AUTS2: variants seen among roughly 807,000 people sequenced by gnomAD.
AUTS2 encodes autism susceptibility gene 2 protein.
AUTS2 carries 17 observed loss-of-function variants against 112.4 expected under a neutral mutation model. That is an observed-to-expected ratio of 0.15 (90% CI 0.10 to 0.23). The LOEUF (loss-of-function observed/expected upper bound fraction) is 0.23. AUTS2 is among the 10% of genes least tolerant of loss of function. The pLI is 1.00. For synonymous variants in AUTS2, 751 were observed against 702.7 expected, an observed-to-expected ratio of 1.07 and a Z score of -1.09; for missense variants, 1,510 against 1,701.6, an observed-to-expected ratio of 0.89 and a Z score of 1.98.
At chr7:69,601,885 T>C (rs1341070952) in intron 1 of AUTS2, among the ~76,000 whole-genome samples, 1 of 151,950 alleles carries the variant, frequency 6.6e-6, no homozygotes, top group Non-Finnish European at 1.5e-5. Flanking sequence ...TCTGTGGTTG[T>C]TTTGGAAAGT....
chr7:70,500,391 G>A (rs986391983), intron 5 of AUTS2, among the ~76,000 whole-genome samples: 2 of 152,116 alleles, frequency 1.3e-5, no homozygotes, highest in African/African-American at 2.4e-5. Flanking sequence ...GTGATGGAAC[G>A]GCATGAAACC....
chr7:69,614,314 C>CTCTTTCTTTCCT (rs1793206455), intron 1 of AUTS2, among the ~76,000 whole-genome samples: 1 of 83,320 alleles, frequency 1.2e-5, no homozygotes, highest in Non-Finnish European at 2.4e-5. Flanking sequence ...CACTCTCCGT[C>CTCTTTCTTTCCT]TCTTTCTTTC....
At chr7:70,582,073 C>T (rs1346130693) in intron 5 of AUTS2, among the ~76,000 whole-genome samples, 3 of 145,284 alleles carry the variant, frequency 2.1e-5, no homozygotes, top group Non-Finnish European at 3.0e-5. Context: ...GATGTTAAGT[C>T]GTTTTTCAAG....
chr7:70,281,030 T>C (rs1350992824), intron 4 of AUTS2, among the ~76,000 whole-genome samples: 1 of 152,204 alleles, frequency 6.6e-6, no homozygotes, highest in Admixed American at 6.5e-5. Context: ...TCTGTATCTA[T>C]TATCTGTCTC....
At chr7:70,088,912 G>A (rs1803764497) in intron 2 of AUTS2, among the ~76,000 whole-genome samples, 1 of 151,842 alleles carries the variant, frequency 6.6e-6, no homozygotes, top group Non-Finnish European at 1.5e-5. Flanking sequence ...ACTATTTTAG[G>A]TTCATCCCAC....
intron 4 of AUTS2, among the ~76,000 whole-genome samples, chr7:70,187,212 C>G (rs1809649818): frequency 6.6e-6 from 1 of 152,158 alleles, no homozygotes; most frequent in Admixed American, 6.5e-5. Flanking sequence ...TCTATTTCAT[C>G]TGTAACTTTC....
At chr7:70,295,205 T>G (rs1160486858) in intron 4 of AUTS2, among the ~76,000 whole-genome samples, 2 of 152,246 alleles carry the variant, frequency 1.3e-5, no homozygotes, top group Non-Finnish European at 1.5e-5. Flanking sequence ...TGGGTCTTAA[T>G]CACTGACGTT....
chr7:69,688,430 C>A (rs1156670863), intron 1 of AUTS2, among the ~76,000 whole-genome samples: 2 of 152,238 alleles, frequency 1.3e-5, no homozygotes, highest in South Asian at 4.1e-4. Flanking sequence ...TCACAGAGTA[C>A]AGGCTGTGCA....
chr7:70,577,535 A>G (rs1348838964), intron 5 of AUTS2, among the ~76,000 whole-genome samples: 1 of 152,208 alleles, frequency 6.6e-6, no homozygotes, highest in Non-Finnish European at 1.5e-5. Context: ...TAAGTGATAC[A>G]TAACATTACC....
intron 2 of AUTS2, among the ~76,000 whole-genome samples, chr7:69,954,910 A>G (rs977199412): frequency 1.3e-5 from 2 of 152,196 alleles, no homozygotes; most frequent in South Asian, 2.1e-4. Context: ...GGAGAAGCCA[A>G]ATGGATTTTG....
intron 11 of AUTS2, among the ~76,000 whole-genome samples, chr7:70,773,136 A>G (rs907396393): frequency 6.6e-6 from 1 of 152,180 alleles, no homozygotes; most frequent in Non-Finnish European, 1.5e-5. Context: ...TGTTAGTTGT[A>G]CTGCAGCTGA....
At chr7:70,366,319 A>G (rs1014376072) in intron 4 of AUTS2, among the ~76,000 whole-genome samples, 7 of 152,200 alleles carry the variant, frequency 4.6e-5, no homozygotes, top group African/African-American at 1.7e-4. Flanking sequence ...AGAAGGACGT[A>G]GCTAAAGCGG....
intron 8 of AUTS2, among the ~76,000 whole-genome samples, 173 bp downstream of exon 8, chr7:70,765,178 A>G (rs1473699075): frequency 6.6e-6 from 1 of 152,134 alleles, no homozygotes; most frequent in Non-Finnish European, 1.5e-5. Flanking sequence ...AATACCTGTC[A>G]GCACCCATAC....
chr7:70,246,048 ATGT>A (rs1688955909), intron 4 of AUTS2, among the ~76,000 whole-genome samples: 1 of 151,984 alleles, frequency 6.6e-6, no homozygotes, highest in Admixed American at 6.6e-5. Context: ...CTTTATTTTA[ATGT>A]TGAACTTTTT....
At chr7:69,837,208 A>C (rs966394317) in intron 1 of AUTS2, among the ~76,000 whole-genome samples, 1 of 152,216 alleles carries the variant, frequency 6.6e-6, no homozygotes, top group Non-Finnish European at 1.5e-5. Flanking sequence ...GATTCTGTGA[A>C]ACAAATGCAC....
At chr7:69,719,566 G>A (rs576099956) in intron 1 of AUTS2, among the ~76,000 whole-genome samples, 1 of 152,312 alleles carries the variant, frequency 6.6e-6, no homozygotes, top group African/African-American at 2.4e-5. Flanking sequence ...TTGGTGTCAG[G>A]AAACCTGTCT....
chr7:69,860,024 C>T (rs1792904130), intron 1 of AUTS2, among the ~76,000 whole-genome samples: 1 of 151,938 alleles, frequency 6.6e-6, no homozygotes, highest in Admixed American at 6.6e-5. Context: ...GACATTATAC[C>T]TGCCTGACAA....
intron 1 of AUTS2, among the ~76,000 whole-genome samples, chr7:69,735,782 T>C (rs951416007): frequency 1.3e-5 from 2 of 152,244 alleles, no homozygotes; most frequent in Non-Finnish European, 2.9e-5. Context: ...CTTATCTGAT[T>C]TGCTGCTGTA....
intron 6 of AUTS2, among the ~76,000 whole-genome samples, chr7:70,745,034 CA>C (rs1424209817): frequency 5.6e-5 from 6 of 107,820 alleles, no homozygotes; most frequent in African/African-American, 3.7e-4. Flanking sequence ...TAATAATTAG[CA>C]ATTTTTTTTT....
Sources: gnomAD v4.1 joint callset for allele counts (sites outside exome capture counted in the v4.1 genomes callset) on GRCh38, gnomAD v4.1.1 for gene constraint, MANE v1.5 for transcripts, NCBI Gene and HGNC (gene_info 2026-07-23, HGNC 2026-07-21) for gene names.